PTPRD: variants seen among roughly 807,000 people sequenced by gnomAD.
The protein encoded by PTPRD is protein tyrosine phosphatase receptor type D.
PTPRD carries 34 observed loss-of-function variants against 214.5 expected under a neutral mutation model. That is an observed-to-expected ratio of 0.16 (90% CI 0.12 to 0.21). The LOEUF is 0.21. PTPRD is among the 10% of genes least tolerant of loss of function. The probability of loss-of-function intolerance (pLI) is 1.00; values close to 1 mark genes in which losing one functional copy is unlikely to be tolerated. For missense variants in PTPRD, 2,545 were observed against 2,398.7 expected, an observed-to-expected ratio of 1.06 and a Z score of -1.27; for synonymous variants, 1,128 against 845.7, an observed-to-expected ratio of 1.33 and a Z score of -5.79.
At chr9:9,775,981 C>CAAAAAAAAA (rs1454097319) in intron 5 of PTPRD, among the ~76,000 whole-genome samples, 14 of 86,388 alleles carry the variant, frequency 1.6e-4, no homozygotes, top group East Asian at 4.6e-4. Flanking sequence ...AAAAAAAAAG[C>CAAAAAAAAA]AAATCCTTTT....
intron 30 of PTPRD, among the ~76,000 whole-genome samples, chr9:8,476,224 T>G (rs1415454714): frequency 6.6e-6 from 1 of 152,174 alleles, no homozygotes; most frequent in Non-Finnish European, 1.5e-5. Flanking sequence ...CCTCAGATCA[T>G]CAGGCATTAG....
At chr9:10,473,827 A>G (rs368698703) in intron 2 of PTPRD, among the ~76,000 whole-genome samples, 49 of 152,160 alleles carry the variant, frequency 3.2e-4, no homozygotes, top group African/African-American at 1.2e-3. Flanking sequence ...TTATTGCCCC[A>G]TTGTTTTTAT....
chr9:8,592,635 C>A (rs1182219490), intron 14 of PTPRD, among the ~76,000 whole-genome samples: 1 of 151,640 alleles, frequency 6.6e-6, no homozygotes, highest in Non-Finnish European at 1.5e-5. Context: ...TTCCTGATGT[C>A]TTTTCTTTAT....
intron 5 of PTPRD, among the ~76,000 whole-genome samples, chr9:9,923,118 T>G (rs866098514): frequency 1.0e-4 from 15 of 147,738 alleles, no homozygotes; most frequent in Admixed American, 1.3e-4. Flanking sequence ...ACTGTGTGTG[T>G]GGGGGGTGTG....
intron 9 of PTPRD, among the ~76,000 whole-genome samples, chr9:9,390,982 A>G (rs980138070): frequency 6.6e-6 from 1 of 152,176 alleles, no homozygotes; most frequent in Non-Finnish European, 1.5e-5. Context: ...GTTTATCAAG[A>G]TATCTTGATA....
chr9:8,902,947 G>T, intron 11 of PTPRD, among the ~76,000 whole-genome samples: 1 of 152,018 alleles, frequency 6.6e-6, no homozygotes, highest in Non-Finnish European at 1.5e-5. Context: ...TTGTTTTGTT[G>T]TTTAGTGAAG....
intron 7 of PTPRD, among the ~76,000 whole-genome samples, chr9:9,603,922 G>T (rs1316610634): frequency 6.6e-6 from 1 of 151,820 alleles, no homozygotes; most frequent in Non-Finnish European, 1.5e-5. Flanking sequence ...GTCACTTTTG[G>T]TGTACAGATA....
intron 9 of PTPRD, among the ~76,000 whole-genome samples, chr9:9,277,435 G>A (rs1420037290): frequency 6.6e-6 from 1 of 151,168 alleles, no homozygotes; most frequent in East Asian, 2.0e-4. Flanking sequence ...TTTTTCCGTT[G>A]AAATTTTAAA....
At chr9:9,056,006 G>C (rs1045905881) in intron 10 of PTPRD, among the ~76,000 whole-genome samples, 5 of 151,962 alleles carry the variant, frequency 3.3e-5, no homozygotes, top group Non-Finnish European at 7.4e-5. Flanking sequence ...GAACAGTTTT[G>C]GTTCATAATG....
chr9:10,318,658 G>A (rs1035597737), intron 3 of PTPRD, among the ~76,000 whole-genome samples: 1 of 151,900 alleles, frequency 6.6e-6, no homozygotes, highest in Non-Finnish European at 1.5e-5. Flanking sequence ...TATCACCCAG[G>A]CTGGAGTGCA....
At chr9:9,544,826 T>G (rs1451299053) in intron 8 of PTPRD, among the ~76,000 whole-genome samples, 2 of 151,780 alleles carry the variant, frequency 1.3e-5, no homozygotes, top group East Asian at 3.9e-4. Flanking sequence ...TAGAATTTTA[T>G]TATAGTTCAA....
intron 7 of PTPRD, among the ~76,000 whole-genome samples, chr9:9,675,997 GT>G (rs1209687999): frequency 6.6e-6 from 1 of 151,916 alleles, no homozygotes; most frequent in Non-Finnish European, 1.5e-5. Context: ...TATTGCAAGG[GT>G]TCTGTAGCAC....
chr9:9,603,218 G>A (rs989718061), intron 7 of PTPRD, among the ~76,000 whole-genome samples: 1 of 152,082 alleles, frequency 6.6e-6, no homozygotes, highest in Non-Finnish European at 1.5e-5. Flanking sequence ...GTTGCTGTCG[G>A]AATAGCTTTA....
rs1418657491 is a variant in PTPRD, at chr9:8,528,272, G to A, written c.541+319C>T. The A allele has an allele frequency of 1.6e-5, 7 of 427,178 alleles. No homozygotes were observed. The Admixed American group carries it at 2.0e-4, about 12-fold the overall frequency. The allele number at this position is 427,178 out of a possible 1,614,324, so 26.5% of individuals were successfully genotyped here. A position where few individuals can be genotyped will look rare whatever the true frequency, so the allele number is the denominator to read the frequency against. ...GTTTCAAAAGAAAACAGAGAAAGAA[G>A]AAAGAAAGAGGAGAAAATGGATCCA... On this transcript the variant is annotated intron_variant, in intron 15 of 45. Coordinates refer to ENST00000381196, the MANE Select transcript of PTPRD (RefSeq NM_002839.4).
intron 43 of PTPRD, among the ~76,000 whole-genome samples, chr9:8,332,013 T>C (rs1841863154): frequency 1.3e-5 from 2 of 152,136 alleles, no homozygotes; most frequent in African/African-American, 2.4e-5. Context: ...TTAGTAGCCA[T>C]CCACATAGTT....
intron 15 of PTPRD, chr9:8,528,389 CA>C (rs1395063120): frequency 3.2e-6 from 2 of 631,026 alleles, no homozygotes; most frequent in Non-Finnish European, 2.8e-6. Flanking sequence ...CTGCAAAACA[CA>C]CAGAGAAAAG....
chr9:9,315,833 CTTT>C (rs566821610), intron 9 of PTPRD, among the ~76,000 whole-genome samples: 1 of 93,318 alleles, frequency 1.1e-5, no homozygotes, highest in Non-Finnish European at 2.1e-5. Flanking sequence ...TAGCAGACAA[CTTT>C]TTTTTTTTTT....
At chr9:9,004,814 G>C (rs1406631180) in intron 11 of PTPRD, among the ~76,000 whole-genome samples, 1 of 152,078 alleles carries the variant, frequency 6.6e-6, no homozygotes, top group South Asian at 2.1e-4. Flanking sequence ...GTACAGCACT[G>C]AGCCATAGCT....
At chr9:10,262,675 A>C (rs886679590) in intron 3 of PTPRD, among the ~76,000 whole-genome samples, 2 of 152,242 alleles carry the variant, frequency 1.3e-5, no homozygotes, top group Non-Finnish European at 2.9e-5. Flanking sequence ...AGCATGAATA[A>C]GTCACTTTAC....
Sources: allele counts gnomAD v4.1 joint callset (sites outside exome capture counted in the v4.1 genomes callset), GRCh38; gene constraint gnomAD v4.1.1; transcripts MANE v1.5; gene names NCBI Gene and HGNC (gene_info 2026-07-23, HGNC 2026-07-21).